Variants in MARK3 observed in about 807,000 individuals in gnomAD.
MARK3 encodes microtubule affinity regulating kinase 3.
In MARK3, 46 loss-of-function variants were observed where a neutral mutation model predicts 90.1. The ratio of observed to expected loss-of-function variants is 0.51; its 90% confidence interval spans 0.40 to 0.65. MARK3 has a LOEUF of 0.65. Ranked by LOEUF, MARK3 falls within the 30% of genes least tolerant of loss-of-function variation. The probability of loss-of-function intolerance (pLI) is 0.00; values close to 1 mark genes in which losing one functional copy is unlikely to be tolerated. For synonymous variants in MARK3, 321 were observed against 332.6 expected (o/e 0.97, Z 0.38); for missense variants, 818 against 947.2 (o/e 0.86, Z 1.79).
chr14:103,386,688 T>C (rs1480499351), intron 1 of MARK3, among the ~76,000 whole-genome samples: 1 of 152,194 alleles, frequency 6.6e-6, no homozygotes, highest in Non-Finnish European at 1.5e-5. Context: ...TTGAAGGAGT[T>C]GGTTAAACAT....
At chr14:103,487,254 C>A (rs2093946831) in intron 14 of MARK3, among the ~76,000 whole-genome samples, 1 of 151,482 alleles carries the variant, frequency 6.6e-6, no homozygotes, top group Admixed American at 6.6e-5. Flanking sequence ...CTTTGGGAGG[C>A]CAAGACGGGC....
Position 103,502,880 on chromosome 14 carries a change from A to T in MARK3, c.1917-2A>T, listed in dbSNP as rs2142195273. 6.2e-7 allele frequency: 1 copy of T among 1,602,998 alleles called. No individual in the cohort carries two copies. Among genetic ancestry groups the T allele is most frequent in the Non-Finnish European group, 8.5e-7 (1 of 1,171,864 alleles). ...AAATAAACCTGCCTCTATGCATTTC[A>T]GTCGCAATGTATCTGCTGAGCAAAA... On this transcript the variant is annotated splice_acceptor_variant, in intron 17 of 17. Coordinates refer to ENST00000429436, the MANE Select transcript of MARK3 (RefSeq NM_001128918.3). LOFTEE classifies it high-confidence loss of function.
chr14:103,419,217 G>A (rs969365948), intron 2 of MARK3, among the ~76,000 whole-genome samples: 2 of 152,138 alleles, frequency 1.3e-5, no homozygotes, highest in African/African-American at 4.8e-5. Flanking sequence ...CGTGAACCCG[G>A]GAGGTGGAGC....
chr14:103,484,472 C>A (rs1446920132), intron 14 of MARK3, among the ~76,000 whole-genome samples: 1 of 152,094 alleles, frequency 6.6e-6, no homozygotes, highest in Non-Finnish European at 1.5e-5. Flanking sequence ...TGCACCAGGC[C>A]CAGAATCTTT....
At chr14:103,411,161 C>T (rs1358546606) in intron 2 of MARK3, among the ~76,000 whole-genome samples, 2 of 152,146 alleles carry the variant, frequency 1.3e-5, no homozygotes, top group African/African-American at 4.8e-5. Flanking sequence ...GTAGCCCCAG[C>T]TGTTCAGGAG....
At position 103,490,232 on chromosome 14, in the gene MARK3, C is replaced by T. The variant is rs1300964076; in HGVS notation, c.1587-1545C>T. 6 of 152,170 alleles carry T rather than the reference C, an allele frequency of 3.9e-5. 1 individual carries two copies. The highest frequency in any genetic ancestry group is 8.8e-5 in the Non-Finnish European group (6 of 68,058). 9.4% of individuals were successfully genotyped at this position (152,170 alleles called of 1,614,324 possible). A position where few individuals can be genotyped will look rare whatever the true frequency, so the allele number is the denominator to read the frequency against. On this transcript the variant is annotated intron_variant, in intron 14 of 17. Coordinates refer to ENST00000429436, the MANE Select transcript of MARK3 (RefSeq NM_001128918.3). ...TAGGAGGCTGAGGTGGGAGAACCAC[C>T]TGAGCCCAGGAAGTTGAGGCTGCAT...
At chr14:103,422,554 A>T (rs1436595976) in intron 2 of MARK3, among the ~76,000 whole-genome samples, 1 of 152,304 alleles carries the variant, frequency 6.6e-6, no homozygotes, top group East Asian at 1.9e-4. Context: ...TTGAATAACC[A>T]TGACCCGGGC....
intron 1 of MARK3, among the ~76,000 whole-genome samples, chr14:103,401,819 A>G (rs1216933787): frequency 6.6e-6 from 1 of 152,222 alleles, no homozygotes; most frequent in Non-Finnish European, 1.5e-5. Flanking sequence ...GGATCCCAGT[A>G]AGGAGAAGTA....
At chr14:103,492,125 T>C (rs2094027824) in intron 15 of MARK3, 91 bp downstream of exon 15, 1 of 1,434,694 alleles carries the variant, frequency 7.0e-7, no homozygotes, top group East Asian at 2.3e-5. Flanking sequence ...GCTACCTGGA[T>C]GCTTTTCAGT....
chr14:103,404,008 GA>G (rs2091124727), intron 1 of MARK3, among the ~76,000 whole-genome samples: 1 of 152,174 alleles, frequency 6.6e-6, no homozygotes, highest in South Asian at 2.1e-4. Context: ...ATGTGAATGT[GA>G]AAATATTAGA....
rs531042974 is a variant in MARK3, at chr14:103,453,804, C to T, written c.412+1821C>T. Among the ~76,000 whole-genome samples the T allele has an allele frequency of 3.0e-4, 46 of 152,318 alleles. 1 individual carries two copies. Among genetic ancestry groups the T allele is most frequent in the Admixed American group, 9.2e-4 (14 of 15,300 alleles). Reference sequence around the variant, plus strand: ...CTTACCAGATCTCCTTTGACCTTCACAGCGACTCCATGCTGTGGCCAGGCA... The same window carrying T: ...CTTACCAGATCTCCTTTGACCTTCATAGCGACTCCATGCTGTGGCCAGGCA... On this transcript the variant is annotated intron_variant, in intron 5 of 17. Transcript: ENST00000429436.
chr14:103,464,425 A>G (rs1316962083), intron 7 of MARK3, among the ~76,000 whole-genome samples: 3 of 150,070 alleles, frequency 2.0e-5, no homozygotes, highest in Non-Finnish European at 4.4e-5. Flanking sequence ...CAGCCTCTCA[A>G]GTAGCTGGGA....
At chr14:103,432,796 C>T (rs2141096257) in intron 3 of MARK3, among the ~76,000 whole-genome samples, 1 of 152,280 alleles carries the variant, frequency 6.6e-6, no homozygotes, top group East Asian at 1.9e-4. Flanking sequence ...TTGGAGGCTG[C>T]AGTGAGCTGT....
At chr14:103,432,712 C>T (rs1419150481) in intron 3 of MARK3, among the ~76,000 whole-genome samples, 1 of 151,974 alleles carries the variant, frequency 6.6e-6, no homozygotes, top group African/African-American at 2.4e-5. Context: ...ATAAATTAAC[C>T]AGGTGTGGTG....
chr14:103,428,240 C>A, intron 2 of MARK3, 147 bp from the exon 3 acceptor site: 1 of 518,698 alleles, frequency 1.9e-6, no homozygotes, highest in Non-Finnish European at 3.4e-6. Context: ...TATAAAGTTA[C>A]AATTGCTTAT....
intron 7 of MARK3, among the ~76,000 whole-genome samples, chr14:103,463,618 T>C (rs2093443807): frequency 6.6e-6 from 1 of 152,200 alleles, no homozygotes; most frequent in Non-Finnish European, 1.5e-5. Flanking sequence ...GCTCACTCTT[T>C]TATGTCCCTG....
chr14:103,390,276 T>C (rs1215877012), intron 1 of MARK3, among the ~76,000 whole-genome samples: 2 of 152,068 alleles, frequency 1.3e-5, no homozygotes, highest in Non-Finnish European at 2.9e-5. Context: ...TGCTGCATCG[T>C]GTTATAGCTC....
At chr14:103,406,488 C>G (rs1395467728) in intron 2 of MARK3, among the ~76,000 whole-genome samples, 4 of 152,052 alleles carry the variant, frequency 2.6e-5, no homozygotes, top group Non-Finnish European at 5.9e-5. Context: ...CTGCCCGCCT[C>G]AGCCTCCCAA....
At chr14:103,432,278 T>A (rs777470117) in intron 3 of MARK3, among the ~76,000 whole-genome samples, 1 of 152,194 alleles carries the variant, frequency 6.6e-6, no homozygotes, top group Non-Finnish European at 1.5e-5. Flanking sequence ...CCTGTGTTTT[T>A]AAATTTTAAT....
Sources: allele counts gnomAD v4.1 joint callset (sites outside exome capture counted in the v4.1 genomes callset), GRCh38; gene constraint gnomAD v4.1.1; transcripts MANE v1.5; gene names NCBI Gene and HGNC (gene_info 2026-07-23, HGNC 2026-07-21).